Variants in TRPS1 observed in about 807,000 individuals in gnomAD.
The protein encoded by TRPS1 is zinc finger transcription factor Trps1.
Under a neutral mutation model 101.2 loss-of-function variants are expected in TRPS1, and 6 were observed. The observed-to-expected ratio is 0.06, with a 90% confidence interval of 0.03 to 0.12. TRPS1 has a LOEUF of 0.12. Among genes scored for constraint, TRPS1 ranks in the 10% least tolerant of loss-of-function variants. The probability of loss-of-function intolerance (pLI) is 1.00; values close to 1 mark genes in which losing one functional copy is unlikely to be tolerated. For synonymous variants in TRPS1, 578 were observed against 589.8 expected (o/e 0.98, Z 0.29); for missense variants, 1,363 against 1,567.0 (o/e 0.87, Z 2.20).
intron 1 of TRPS1, among the ~76,000 whole-genome samples, chr8:115,633,129 C>A (rs1452027398): frequency 1.3e-5 from 2 of 151,978 alleles, no homozygotes; most frequent in Non-Finnish European, 2.9e-5. Context: ...ACGCCTCAGG[C>A]TGAATTGTAC....
chr8:115,601,594 T>C lies in TRPS1; in HGVS notation c.2096+2279A>G, dbSNP rs1817909104. ...GCCAAACTATATCAGGATTTAAACA[T>C]AAGTGCAAGAATATTTTAATGCCCT... On this transcript the variant is annotated intron_variant, in intron 4 of 6. Transcript: ENST00000395715. Among the ~76,000 whole-genome samples the C allele has an allele frequency of 2.0e-5, 3 of 152,314 alleles. No individual in the cohort carries two copies. In the South Asian group the frequency reaches 6.2e-4, roughly 32 times the overall value.
chr8:115,505,472 C>G (rs1018888265), intron 5 of TRPS1, among the ~76,000 whole-genome samples: 1 of 152,056 alleles, frequency 6.6e-6, no homozygotes, highest in African/African-American at 2.4e-5. Context: ...CACACTTCAC[C>G]AGTTTTTTAA....
intron 5 of TRPS1, among the ~76,000 whole-genome samples, chr8:115,555,899 A>G (rs912783400): frequency 7.9e-5 from 12 of 151,972 alleles, no homozygotes; most frequent in Admixed American, 3.3e-4. Flanking sequence ...GTGGCTTGCT[A>G]TGTAGTCCCA....
chr8:115,555,487 A>G (rs1816796470), intron 5 of TRPS1, among the ~76,000 whole-genome samples: 1 of 152,152 alleles, frequency 6.6e-6, no homozygotes, highest in African/African-American at 2.4e-5. Flanking sequence ...TATGGATTTT[A>G]GAAAACAGAT....
At chr8:115,427,776 C>T (rs1586263393) in intron 5 of TRPS1, among the ~76,000 whole-genome samples, 1 of 141,976 alleles carries the variant, frequency 7.0e-6, no homozygotes, top group African/African-American at 2.7e-5. Context: ...GATATGGCAA[C>T]GAGCTGTTTT....
At chr8:115,512,219 T>G (rs1005759670) in intron 5 of TRPS1, among the ~76,000 whole-genome samples, 7 of 151,758 alleles carry the variant, frequency 4.6e-5, no homozygotes, top group African/African-American at 1.5e-4. Flanking sequence ...TTAAAAACAG[T>G]ATGTTCATGT....
chr8:115,522,254 T>C (rs998127207), intron 5 of TRPS1, among the ~76,000 whole-genome samples: 1 of 151,990 alleles, frequency 6.6e-6, no homozygotes, highest in Non-Finnish European at 1.5e-5. Context: ...TCAATGAGTA[T>C]GACAGTAGGA....
At chr8:115,599,178 TTAAA>T (rs1052774675) in intron 4 of TRPS1, among the ~76,000 whole-genome samples, 7 of 152,330 alleles carry the variant, frequency 4.6e-5, no homozygotes, top group South Asian at 2.1e-4. Context: ...TTGCTCTCTC[TTAAA>T]TATTCTGTCT....
chr8:115,572,477 T>A (rs772698185), intron 5 of TRPS1, among the ~76,000 whole-genome samples: 7 of 152,164 alleles, frequency 4.6e-5, no homozygotes, highest in Non-Finnish European at 2.9e-5. Context: ...GTTGTTGTTT[T>A]TTCTCACTCT....
chr8:115,534,074 C>T (rs917452395), intron 5 of TRPS1, among the ~76,000 whole-genome samples: 3 of 151,830 alleles, frequency 2.0e-5, no homozygotes, highest in Non-Finnish European at 4.4e-5. Context: ...GATCTAACCC[C>T]GATACCATCA....
At chr8:115,571,460 C>G (rs1253718160) in intron 5 of TRPS1, among the ~76,000 whole-genome samples, 1 of 152,106 alleles carries the variant, frequency 6.6e-6, no homozygotes, top group Non-Finnish European at 1.5e-5. Context: ...TTTACAAGAA[C>G]TGAAAGCCTT....
At chr8:115,518,402 G>C (rs1416943203) in intron 5 of TRPS1, among the ~76,000 whole-genome samples, 1 of 151,662 alleles carries the variant, frequency 6.6e-6, no homozygotes, top group Non-Finnish European at 1.5e-5. Flanking sequence ...ATACAAAAAT[G>C]TGAGAGAAAA....
intron 5 of TRPS1, among the ~76,000 whole-genome samples, chr8:115,505,261 T>C (rs114206473): frequency 3.3e-4 from 50 of 152,268 alleles, no homozygotes; most frequent in African/African-American, 1.2e-3. Context: ...ACAAAATCCA[T>C]GGTTAAGTAT....
At chr8:115,613,352 C>T (rs1331635195) in intron 3 of TRPS1, among the ~76,000 whole-genome samples, 6 of 152,200 alleles carry the variant, frequency 3.9e-5, no homozygotes, top group Non-Finnish European at 5.9e-5. Flanking sequence ...TTACACTACA[C>T]GGAGCAGATA....
chr8:115,629,145 A>AAAAAAAC lies in TRPS1; in HGVS notation c.-121-5394_-121-5388dup, dbSNP rs1181726532. 2.6e-5 allele frequency among the ~76,000 whole-genome samples: 4 copies of AAAAAAAC among 151,842 alleles called. No individual in the cohort carries two copies. In the South Asian group the frequency reaches 8.3e-4, roughly 31 times the overall value. On this transcript the variant is annotated intron_variant, in intron 1 of 6. Transcript: ENST00000395715. ...GATTTTAAAGCACGCGTAGTTAAGGAAAAAAACAAAAAACAAAAAACAAAA... is the reference window on the plus strand; with the variant it reads ...GATTTTAAAGCACGCGTAGTTAAGGAAAAAAACAAAAAACAAAAAACAAAAAACAAAA...
At chr8:115,536,803 T>C (rs1234804412) in intron 5 of TRPS1, among the ~76,000 whole-genome samples, 1 of 151,636 alleles carries the variant, frequency 6.6e-6, no homozygotes, top group South Asian at 2.1e-4. Flanking sequence ...TTTTTGTTTT[T>C]TTTTTCCCTC....
intron 4 of TRPS1, among the ~76,000 whole-genome samples, chr8:115,596,142 A>G (rs965421053): frequency 1.3e-5 from 2 of 151,952 alleles, no homozygotes; most frequent in Non-Finnish European, 2.9e-5. Flanking sequence ...AGTTGCAAGC[A>G]CTGTTTAAAA....
At chr8:115,603,744 G>A in intron 4 of TRPS1, 129 bp downstream of exon 4, 2 of 1,066,350 alleles carry the variant, frequency 1.9e-6, no homozygotes, top group Admixed American at 4.6e-5. Context: ...ACTTTTATGT[G>A]GTCTTCTCCT....
chr8:115,514,123 C>G (rs190658755), intron 5 of TRPS1, among the ~76,000 whole-genome samples: 2 of 151,834 alleles, frequency 1.3e-5, no homozygotes, highest in African/African-American at 4.8e-5. Context: ...TGAGTCTATT[C>G]TTCTCCCAAT....
Sources: allele counts gnomAD v4.1 joint callset (sites outside exome capture counted in the v4.1 genomes callset), GRCh38; gene constraint gnomAD v4.1.1; transcripts MANE v1.5; gene names NCBI Gene and HGNC (gene_info 2026-07-23, HGNC 2026-07-21).